The following SORCS3 variants were observed in gnomAD, a reference collection of about 807,000 sequenced individuals.
The protein encoded by SORCS3 is VPS10 domain-containing receptor SorCS3.
Under a neutral mutation model 146.3 loss-of-function variants are expected in SORCS3, and 57 were observed. That is an observed-to-expected ratio of 0.39 (90% CI 0.31 to 0.49). The LOEUF is 0.49. Among genes scored for constraint, SORCS3 ranks in the 20% least tolerant of loss-of-function variants. The probability of loss-of-function intolerance (pLI) is 0.92; values close to 1 mark genes in which losing one functional copy is unlikely to be tolerated. For synonymous variants in SORCS3, 653 were observed against 618.5 expected, an observed-to-expected ratio of 1.06 and a Z score of -0.83; for missense variants, 1,341 against 1,575.5, an observed-to-expected ratio of 0.85 and a Z score of 2.52.
At chr10:104,660,068 G>T (rs2015681259) in intron 1 of SORCS3, among the ~76,000 whole-genome samples, 2 of 152,188 alleles carry the variant, frequency 1.3e-5, no homozygotes, top group Non-Finnish European at 2.9e-5. Context: ...TCACACAGCA[G>T]CAGCTCCAGC....
Position 105,188,894 on chromosome 10 carries a change from A to G in SORCS3, c.2009+10721A>G, listed in dbSNP as rs139180142. Among the ~76,000 whole-genome samples the G allele has an allele frequency of 4.3e-3, 654 of 152,318 alleles. 7 individuals carry two copies. The highest frequency in any genetic ancestry group is 0.015 in the African/African-American group (639 of 41,576). On this transcript the variant is annotated intron_variant, in intron 14 of 26. Transcript: ENST00000369701. ...AGTCGGGATTTGTGGTTACCTAGCAATGGCTAATTCTGAGTCCTGGATGGA... is the reference window on the plus strand; with the variant it reads ...AGTCGGGATTTGTGGTTACCTAGCAGTGGCTAATTCTGAGTCCTGGATGGA...
intron 3 of SORCS3, among the ~76,000 whole-genome samples, chr10:104,973,960 A>G (rs1589573870): frequency 6.6e-6 from 1 of 152,112 alleles, no homozygotes; most frequent in South Asian, 2.1e-4. Context: ...CGTACCCAGT[A>G]GTCATTCAGG....
At chr10:105,008,119 T>C (rs1348033000) in intron 4 of SORCS3, among the ~76,000 whole-genome samples, 1 of 152,198 alleles carries the variant, frequency 6.6e-6, no homozygotes, top group Non-Finnish European at 1.5e-5. Context: ...GGAAGCTTTT[T>C]TGATCTCTAC....
At chr10:105,157,516 A>G (rs2056222153) in intron 10 of SORCS3, among the ~76,000 whole-genome samples, 1 of 152,210 alleles carries the variant, frequency 6.6e-6, no homozygotes, top group Non-Finnish European at 1.5e-5. Context: ...GCTCCATCTC[A>G]TAGTAAGGCA....
At chr10:104,799,657 A>G (rs1186110867) in intron 1 of SORCS3, among the ~76,000 whole-genome samples, 1 of 151,788 alleles carries the variant, frequency 6.6e-6, no homozygotes, top group Non-Finnish European at 1.5e-5. Context: ...ACAAAACTGC[A>G]CGTTCTGCAC....
intron 6 of SORCS3, among the ~76,000 whole-genome samples, chr10:105,099,662 A>G (rs2055769700): frequency 6.6e-6 from 1 of 152,130 alleles, no homozygotes; most frequent in Non-Finnish European, 1.5e-5. Context: ...TTTACAGTGA[A>G]ATTTGTTGAT....
intron 6 of SORCS3, among the ~76,000 whole-genome samples, chr10:105,096,553 G>A (rs2055748074): frequency 6.6e-6 from 1 of 152,110 alleles, no homozygotes; most frequent in Non-Finnish European, 1.5e-5. Flanking sequence ...CGGAGATTCT[G>A]CTGTAAGTAT....
In SORCS3 at chr10:104,694,994, G is replaced by A. The variant is rs184073399; in HGVS notation, c.627+53040G>A. ...TGTATTTTGGAAAAGTATTGAGTATGCAGTCATGATCAGGGCTCGATAAAT... is the reference window on the plus strand; with the variant it reads ...TGTATTTTGGAAAAGTATTGAGTATACAGTCATGATCAGGGCTCGATAAAT... On this transcript the variant is annotated intron_variant, in intron 1 of 26. Coordinates refer to ENST00000369701, the MANE Select transcript of SORCS3 (RefSeq NM_014978.3). Among the ~76,000 whole-genome samples, 312 of 152,244 alleles carry A rather than the reference G, an allele frequency of 2.0e-3. 1 individual carries two copies. The highest frequency in any genetic ancestry group is 6.8e-3 in the Middle Eastern group (2 of 294).
chr10:104,668,014 T>A (rs2015804038), intron 1 of SORCS3, among the ~76,000 whole-genome samples: 1 of 152,180 alleles, frequency 6.6e-6, no homozygotes, highest in Non-Finnish European at 1.5e-5. Flanking sequence ...CCACTTGAGT[T>A]CAAGGCGCCT....
intron 7 of SORCS3, among the ~76,000 whole-genome samples, chr10:105,135,124 A>C (rs754235306): frequency 1.3e-5 from 2 of 151,994 alleles, no homozygotes; most frequent in Non-Finnish European, 2.9e-5. Flanking sequence ...AATTTTCTTC[A>C]CTCCATGTCC....
intron 5 of SORCS3, among the ~76,000 whole-genome samples, chr10:105,073,751 T>TGGG (rs2133728217): frequency 6.6e-6 from 1 of 151,872 alleles, no homozygotes; most frequent in Admixed American, 6.6e-5. Flanking sequence ...TCGGACTGGG[T>TGGG]GGGGGTGTGG....
chr10:105,076,834 T>C (rs1554875247), intron 5 of SORCS3, among the ~76,000 whole-genome samples: 1 of 152,184 alleles, frequency 6.6e-6, no homozygotes, highest in Non-Finnish European at 1.5e-5. Context: ...CTATTCCTAG[T>C]AGAGCAGTTG....
rs572982907 is a variant in SORCS3, at chr10:104,724,354, C to G, written c.627+82400C>G. Reference sequence around the variant, plus strand: ...TTCTGCCGAGAGATCAGCTGTTAGTCTGATGGGCTTTCCTTTGTGGGTAAC... The same window carrying G: ...TTCTGCCGAGAGATCAGCTGTTAGTGTGATGGGCTTTCCTTTGTGGGTAAC... On this transcript the variant is annotated intron_variant, in intron 1 of 26. Coordinates refer to ENST00000369701, the MANE Select transcript of SORCS3 (RefSeq NM_014978.3). Among the ~76,000 whole-genome samples the G allele has an allele frequency of 1.4e-4, 21 of 152,362 alleles. 1 individual carries two copies. Among genetic ancestry groups the G allele is most frequent in the African/African-American group, 4.8e-4 (20 of 41,584 alleles).
intron 7 of SORCS3, among the ~76,000 whole-genome samples, chr10:105,138,284 T>C (rs2056072087): frequency 6.6e-6 from 1 of 152,134 alleles, no homozygotes; most frequent in Admixed American, 6.5e-5. Flanking sequence ...TTCCGATCTG[T>C]GCAGAGCAAG....
chr10:104,773,609 G>A (rs2017276445), intron 1 of SORCS3, among the ~76,000 whole-genome samples: 1 of 152,242 alleles, frequency 6.6e-6, no homozygotes, highest in African/African-American at 2.4e-5. Flanking sequence ...GGTGGAGGAG[G>A]AGGAACTCAG....
chr10:104,975,688 A>G (rs1390609433), intron 3 of SORCS3, among the ~76,000 whole-genome samples: 2 of 152,158 alleles, frequency 1.3e-5, no homozygotes, highest in African/African-American at 4.8e-5. Flanking sequence ...AACCAAAACA[A>G]CATGGTACTG....
At chr10:104,909,676 G>C (rs2018945931) in intron 2 of SORCS3, among the ~76,000 whole-genome samples, 1 of 152,124 alleles carries the variant, frequency 6.6e-6, no homozygotes, top group Admixed American at 6.5e-5. Context: ...CCCCGTGAGA[G>C]CTGGCAGAGT....
chr10:105,054,654 C>T (rs1033278164), intron 5 of SORCS3, among the ~76,000 whole-genome samples: 19 of 151,558 alleles, frequency 1.3e-4, no homozygotes, highest in Admixed American at 3.3e-4. Context: ...TTTCCTCTGA[C>T]GGTTTTTTAC....
chr10:105,215,319 A>G (rs1488035328), intron 18 of SORCS3, among the ~76,000 whole-genome samples: 1 of 152,186 alleles, frequency 6.6e-6, no homozygotes, highest in Non-Finnish European at 1.5e-5. Context: ...TAGAGCAGGA[A>G]GGCTTGCTTG....
Sources: allele counts gnomAD v4.1 joint callset (sites outside exome capture counted in the v4.1 genomes callset), GRCh38; gene constraint gnomAD v4.1.1; transcripts MANE v1.5; gene names NCBI Gene and HGNC (gene_info 2026-07-23, HGNC 2026-07-21).